Variants in MANSC1 observed in about 807,000 individuals in gnomAD.
MANSC1 encodes MANSC domain-containing protein 1.
A neutral mutation model predicts 14.1 loss-of-function variants in MANSC1; 13 were observed. The observed-to-expected ratio is 0.92, with a 90% CI of 0.60 to 1.46. MANSC1 has a LOEUF of 1.46. MANSC1 is among the 40% of genes most tolerant of loss of function. The probability of loss-of-function intolerance (pLI) is 0.00; values close to 1 mark genes in which losing one functional copy is unlikely to be tolerated. For missense variants in MANSC1, 486 were observed against 511.4 expected (o/e 0.95, Z 0.48); for synonymous variants, 227 against 200.7 (o/e 1.13, Z -1.11).
chr12:12,330,082 C>G lies in MANSC1; in HGVS notation c.1241G>C (p.Arg414Thr). Residue 414 changes from arginine to threonine, a missense_variant, in exon 4 of 4, where the codon AGG becomes ACG. Arg to Thr is a moderately conservative substitution (Grantham distance 71). Transcript: ENST00000535902. ...ATAATCCAGTCTTGAGTAACGTTTC[C>G]TGCGGAGTGATTCCGAGAGGATTCT... is the stretch of plus-strand genomic sequence containing the variant. The part of the protein sequence containing the change: ...LGRILSESLR[R>T]KRYSRLDYLI... 1 of 1,614,164 alleles carries G rather than the reference C, an allele frequency of 6.2e-7. No homozygotes were observed. The highest frequency in any genetic ancestry group is 8.5e-7 in the Non-Finnish European group (1 of 1,180,044).
chr12:12,345,117 C>T (rs11054827), intron 1 of MANSC1, among the ~76,000 whole-genome samples: 72 of 148,462 alleles, frequency 4.8e-4, no homozygotes, highest in African/African-American at 1.7e-3. Flanking sequence ...GTCAGGAGTT[C>T]GACACCAGCC....
At chr12:12,343,884 G>T (rs780121704) in intron 1 of MANSC1, among the ~76,000 whole-genome samples, 2 of 152,128 alleles carry the variant, frequency 1.3e-5, no homozygotes, top group Non-Finnish European at 2.9e-5. Flanking sequence ...GGCTGAGGTG[G>T]GTGGATTGCT....
Position 12,330,057 on chromosome 12 carries a change from AT to A in MANSC1, c.1265del (p.Tyr422PhefsTer2). 6.2e-7 allele frequency: 1 copy of A among 1,614,194 alleles called. No individual in the cohort carries two copies. Among genetic ancestry groups the A allele is most frequent in the Non-Finnish European group, 8.5e-7 (1 of 1,180,032 alleles). On this transcript the variant is annotated frameshift_variant, in exon 4 of 4. Coordinates refer to ENST00000535902, the MANE Select transcript of MANSC1 (RefSeq NM_018050.4). LOFTEE classifies it high-confidence loss of function. ...TGTCCACATAGATCCCATTGATCAA[AT>A]AATCCAGTCTTGAGTAACGTTTCCT... ...LRRKRYSRLDYLINGIYVDI is the reference protein window; with the variant it reads ...LRRKRYSRLDXLINGIYVDI
Position 12,343,300 on chromosome 12 carries a change from TC to T in MANSC1, c.14del (p.Gly5GlufsTer5), listed in dbSNP as rs1341236086. MFFG[G>X]EGSLTYTLVI... is the part of the protein sequence containing the mutation. ...CCAAAGTGTAAGTCAAGCTCCCTTCTCCCCCGAAGAACATTTTAAATTTCAG... is the reference window on the plus strand; with the variant it reads ...CCAAAGTGTAAGTCAAGCTCCCTTCTCCCCGAAGAACATTTTAAATTTCAG... On this transcript the variant is annotated frameshift_variant, in exon 2 of 4. Coordinates refer to ENST00000535902, the MANE Select transcript of MANSC1 (RefSeq NM_018050.4). LOFTEE classifies it high-confidence loss of function. 1.2e-6 allele frequency: 2 copies of T among 1,613,176 alleles called. No individual in the cohort carries two copies. Among genetic ancestry groups the T allele is most frequent in the Non-Finnish European group, 1.7e-6 (2 of 1,179,302 alleles).
At chr12:12,338,662 C>G (rs957615611) in intron 2 of MANSC1, 102 bp from the exon 3 acceptor site, 1 of 1,071,770 alleles carries the variant, frequency 9.3e-7, no homozygotes, top group Admixed American at 2.4e-5. Flanking sequence ...ACACAAACAC[C>G]TTTGTTCATT....
intron 2 of MANSC1, among the ~76,000 whole-genome samples, chr12:12,340,066 C>T (rs1862914820): frequency 6.6e-6 from 1 of 152,164 alleles, no homozygotes; most frequent in Non-Finnish European, 1.5e-5. Flanking sequence ...TCCCCCTCAA[C>T]CTCCCAAAGT....
chr12:12,338,140 G>A (rs1215382551), intron 3 of MANSC1, among the ~76,000 whole-genome samples: 1 of 152,162 alleles, frequency 6.6e-6, no homozygotes, highest in Non-Finnish European at 1.5e-5. Flanking sequence ...CAGTGTTGCC[G>A]ACCTTGTTCT....
chr12:12,332,652 C>T (rs1862807336), intron 3 of MANSC1, among the ~76,000 whole-genome samples: 1 of 152,148 alleles, frequency 6.6e-6, no homozygotes, highest in African/African-American at 2.4e-5. Flanking sequence ...TCCTGAGTAG[C>T]TGGGATTACA....
intron 1 of MANSC1, among the ~76,000 whole-genome samples, 193 bp downstream of exon 1, chr12:12,349,885 C>G (rs1038997734): frequency 5.9e-5 from 9 of 152,226 alleles, no homozygotes; most frequent in Non-Finnish European, 1.2e-4. Context: ...TTGAGCCCGC[C>G]TAGAGGTCCC....
chr12:12,340,967 T>C (rs1476414289), intron 2 of MANSC1, among the ~76,000 whole-genome samples: 1 of 152,236 alleles, frequency 6.6e-6, no homozygotes, highest in Non-Finnish European at 1.5e-5. Context: ...ACCCCAAGTA[T>C]ACGGTGTCTT....
At position 12,327,675 on chromosome 12, in the gene MANSC1, T is replaced by A. The variant is rs1329433338; in HGVS notation, c.*2352A>T. 1 of 152,242 alleles carries A rather than the reference T, an allele frequency of 6.6e-6. No homozygotes were observed. Among genetic ancestry groups the A allele is most frequent in the African/African-American group, 2.4e-5 (1 of 41,468 alleles). 9.4% of individuals were successfully genotyped at this position (152,242 alleles called of 1,614,324 possible). ...CTGATTCTGGCCTACATGTGGATAT[T>A]CAATAAATACTTGTTAAGTTAAATT... On this transcript the variant is annotated 3_prime_UTR_variant, in exon 4 of 4. Transcript: ENST00000535902.
rs1862701431 is a variant in MANSC1 at position 12,326,329 on chromosome 12, A to T, written c.*3698T>A. ...TTTCTCCTTGTGCAGCCTTCCCTTTACAAGCAAGAAAATCTCTCCTAGAAG... is the reference window on the plus strand; with the variant it reads ...TTTCTCCTTGTGCAGCCTTCCCTTTTCAAGCAAGAAAATCTCTCCTAGAAG... On this transcript the variant is annotated 3_prime_UTR_variant, in exon 4 of 4. Transcript: ENST00000535902. 6.6e-6 allele frequency: 1 copy of T among 152,186 alleles called. No homozygotes were observed. Among genetic ancestry groups the T allele is most frequent in the South Asian group, 2.1e-4 (1 of 4,834 alleles). 9.4% of individuals were successfully genotyped at this position (152,186 alleles called of 1,614,324 possible).
Position 12,330,610 on chromosome 12 carries a change from G to C in MANSC1, c.713C>G (p.Thr238Ser). 1 of 1,614,202 alleles carries C rather than the reference G, an allele frequency of 6.2e-7. No individual in the cohort carries two copies. The highest frequency in any genetic ancestry group is 1.3e-5 in the African/African-American group (1 of 75,050). ...GGTGGCGGGCTTTGGAGTAGCCGAG[G>C]TGGTATGTGGAGAAGCAACTGCCAC... ...ATVAVASPHT[T>S]SATPKPATLL... Residue 238 changes from threonine to serine, a missense_variant, in exon 4 of 4, where the codon ACC becomes AGC. Thr to Ser is a moderately conservative substitution (Grantham distance 58). Coordinates refer to ENST00000535902, the MANE Select transcript of MANSC1 (RefSeq NM_018050.4).
At chr12:12,342,992 C>A (rs529199122) in intron 2 of MANSC1, 100 bp downstream of exon 2, 6 of 818,390 alleles carry the variant, frequency 7.3e-6, no homozygotes, top group Admixed American at 4.0e-5. Flanking sequence ...ATATTCATAC[C>A]CTGTCGAGAA....
chr12:12,348,754 G>T (rs568254811), intron 1 of MANSC1, among the ~76,000 whole-genome samples: 32 of 147,770 alleles, frequency 2.2e-4, no homozygotes, highest in African/African-American at 5.7e-4. Flanking sequence ...ACCAGTATAT[G>T]GTAATAAAAC....
rs76831632 is a variant in MANSC1, at chr12:12,343,690, G to A, written c.-100-276C>T. Reference sequence around the variant, plus strand: ...CAGGTATAAACAGTAGGCCTGCCTCGGAATTCTACAATCCTTCCCTCTTCT... The same window carrying A: ...CAGGTATAAACAGTAGGCCTGCCTCAGAATTCTACAATCCTTCCCTCTTCT... On this transcript the variant is annotated intron_variant, in intron 1 of 3. Coordinates refer to ENST00000535902, the MANE Select transcript of MANSC1 (RefSeq NM_018050.4). 4.9e-3 allele frequency among the ~76,000 whole-genome samples: 750 copies of A among 152,264 alleles called. 6 individuals are homozygous for A. The highest frequency in any genetic ancestry group is 0.027 in the Middle Eastern group (8 of 294).
intron 3 of MANSC1, among the ~76,000 whole-genome samples, chr12:12,334,292 A>AC (rs907919885): frequency 1.1e-4 from 17 of 152,044 alleles, no homozygotes; most frequent in African/African-American, 3.4e-4. Flanking sequence ...AAAAAAGAAA[A>AC]AAAAAAAGAG....
chr12:12,330,243 C>T lies in MANSC1; in HGVS notation c.1080G>A (p.Arg360=), dbSNP rs751034881. Residue 360 remains arginine (R), a synonymous_variant, in exon 4 of 4, where the codon AGG becomes AGA. Transcript: ENST00000535902. The stretch of plus-strand genomic sequence containing the variant: ...GGGAGGAACTGCCTGGACTGGCCTC[C>T]CTACCTTCCCAGGAAGCAGTTTTAT... ...TMNKTASWEG[R]EASPGSSSQG... 4 of 1,614,100 alleles carry T rather than the reference C, an allele frequency of 2.5e-6. No individual in the cohort carries two copies. The highest frequency in any genetic ancestry group is 1.1e-5 in the South Asian group (1 of 91,090).
At chr12:12,341,600 T>C (rs1565802364) in intron 2 of MANSC1, among the ~76,000 whole-genome samples, 1 of 152,124 alleles carries the variant, frequency 6.6e-6, no homozygotes, top group Non-Finnish European at 1.5e-5. Context: ...TTTTTAGGAG[T>C]TCTGTGCCAG....
Sources: gnomAD v4.1 joint callset for allele counts (sites outside exome capture counted in the v4.1 genomes callset) on GRCh38, gnomAD v4.1.1 for gene constraint, MANE v1.5 for transcripts, NCBI Gene and HGNC (gene_info 2026-07-23, HGNC 2026-07-21) for gene names.